The following KLHL30 variants were observed in gnomAD, a reference collection of about 807,000 sequenced individuals.
KLHL30 encodes kelch-like protein 30.
In KLHL30, 55 loss-of-function variants were observed where a neutral mutation model predicts 55.0. The ratio of observed to expected loss-of-function variants is 1.00; its 90% CI spans 0.80 to 1.25. KLHL30 has a LOEUF of 1.25. Ranked by LOEUF, KLHL30 falls within the 50% of genes most tolerant of loss-of-function variation. KLHL30 has a pLI of 0.00. For synonymous variants in KLHL30, 356 were observed against 372.6 expected, an observed-to-expected ratio of 0.96 and a Z score of 0.51; for missense variants, 786 against 811.6, an observed-to-expected ratio of 0.97 and a Z score of 0.38.
chr2:238,148,190 G>T (rs1477467973), intron 6 of KLHL30, among the ~76,000 whole-genome samples, 168 bp downstream of exon 6: 4 of 152,224 alleles, frequency 2.6e-5, no homozygotes, highest in Non-Finnish European at 4.4e-5. Context: ...TGTGGAGGAA[G>T]GCAGGGGCCT....
intron 6 of KLHL30, 146 bp from the exon 7 acceptor site, chr2:238,148,861 C>T (rs1178498494): frequency 8.0e-6 from 6 of 753,520 alleles, no homozygotes; most frequent in Non-Finnish European, 1.3e-5. Flanking sequence ...CTCCCAGCTG[C>T]ACCGCAGGGA....
Position 238,151,198 on chromosome 2 carries a change from G to C in KLHL30, c.*133G>C. On this transcript the variant is annotated 3_prime_UTR_variant, in exon 8 of 8. Coordinates refer to ENST00000409223, the MANE Select transcript of KLHL30 (RefSeq NM_198582.4). ...TCCAAGCTGCGCTCAGGCCACCAGG[G>C]GTGATCAGACGGCATGGCTTGGAGG... The C allele has an allele frequency of 7.9e-7, 1 of 1,267,664 alleles. No homozygotes were observed. 78.5% of individuals were successfully genotyped at this position (1,267,664 alleles called of 1,614,324 possible). A position where few individuals can be genotyped will look rare whatever the true frequency, so the allele number is the denominator to read the frequency against.
At position 238,148,875 on chromosome 2, in the gene KLHL30, A is replaced by T. The variant is rs2106314307; in HGVS notation, c.1340-132A>T. ...CCTCCCAGCTGCACCGCAGGGACCT[A>T]CTCCCATTTCACAGACAGGTTCACT... is the stretch of plus-strand genomic sequence containing the variant. On this transcript the variant is annotated intron_variant, in intron 6 of 7. Transcript: ENST00000409223. 6 of 854,756 alleles carry T rather than the reference A, an allele frequency of 7.0e-6. No individual in the cohort carries two copies. The East Asian group carries it at 1.6e-4, about 23-fold the overall frequency. 52.9% of individuals were successfully genotyped at this position (854,756 alleles called of 1,614,324 possible).
chr2:238,145,966 C>T, intron 5 of KLHL30, 134 bp downstream of exon 5: 1 of 1,135,082 alleles, frequency 8.8e-7, no homozygotes, highest in Non-Finnish European at 1.2e-6. Context: ...TCAGGGCTCG[C>T]TGTCTGGTGG....
Position 238,141,045 on chromosome 2 carries a change from C to T in KLHL30, c.291C>T (p.Thr97=). The part of the protein sequence containing the change: ...LVDFVYTGRL[T]ITQGNVEALT... ...ACTTCGTGTACACAGGCCGGCTGAC[C>T]ATCACGCAGGGCAACGTGGAGGCGC... is the stretch of plus-strand genomic sequence containing the variant. The change falls in exon 2 of 8, where the codon ACC becomes ACT. Residue 97 remains threonine, a synonymous_variant. Transcript: ENST00000409223. 1.2e-6 allele frequency: 2 copies of T among 1,612,060 alleles called. No homozygotes were observed. The highest frequency in any genetic ancestry group is 1.7e-6 in the Non-Finnish European group (2 of 1,179,386).
intron 6 of KLHL30, 36 bp from the exon 7 acceptor site, chr2:238,148,971 C>G: frequency 6.4e-7 from 1 of 1,557,468 alleles, no homozygotes; most frequent in East Asian, 2.4e-5. Flanking sequence ...CTCTGGCAAC[C>G]CTGGTGACGG....
intron 6 of KLHL30, among the ~76,000 whole-genome samples, chr2:238,148,588 AGACT>A (rs1290948107): frequency 4.6e-5 from 7 of 151,242 alleles, no homozygotes; most frequent in Admixed American, 4.6e-4. Context: ...ACCCTTCAAG[AGACT>A]GACTGGGCCC....
At position 238,141,383 on chromosome 2, in the gene KLHL30, C is replaced by A; in HGVS notation, c.629C>A (p.Ala210Asp). The A allele has an allele frequency of 6.3e-7, 1 of 1,593,862 alleles. No individual in the cohort carries two copies. Among genetic ancestry groups the A allele is most frequent in the Non-Finnish European group, 8.5e-7 (1 of 1,175,148 alleles). ...LMRWVRHDPQ[A>D]RAAHLPELLS... ...CGCTGGGTGCGCCATGACCCGCAGGCCCGGGCCGCCCACCTGCCCGAGCTG... is the reference window on the plus strand; with the variant it reads ...CGCTGGGTGCGCCATGACCCGCAGGACCGGGCCGCCCACCTGCCCGAGCTG... The change falls in exon 2 of 8, where the codon GCC (alanine) becomes GAC (aspartate). Residue 210 changes from alanine (A) to aspartate (D), a missense_variant. Transcript: ENST00000409223.
In KLHL30 at chr2:238,151,391, C is replaced by T. The variant is rs558185903; in HGVS notation, c.*326C>T. On this transcript the variant is annotated 3_prime_UTR_variant, in exon 8 of 8. Coordinates refer to ENST00000409223, the MANE Select transcript of KLHL30 (RefSeq NM_198582.4). ...GCCGGGCCAGCATTCCCAGAGCTTG[C>T]GAGCCCCACTCCTGCCCCTGGACCC... The T allele has an allele frequency of 1.0e-4, 43 of 415,746 alleles. No homozygotes were observed. The highest frequency in any genetic ancestry group is 6.1e-4 in the East Asian group (14 of 22,792). 25.8% of individuals were successfully genotyped at this position (415,746 alleles called of 1,614,324 possible).
chr2:238,149,867 A>G (rs1004418413), intron 7 of KLHL30, among the ~76,000 whole-genome samples: 4 of 152,096 alleles, frequency 2.6e-5, no homozygotes, highest in African/African-American at 9.7e-5. Context: ...AGTGCCCAGG[A>G]AGTTGGGGAT....
At chr2:238,150,273 G>A (rs897080903) in intron 7 of KLHL30, among the ~76,000 whole-genome samples, 1 of 152,136 alleles carries the variant, frequency 6.6e-6, no homozygotes, top group African/African-American at 2.4e-5. Flanking sequence ...GCCACAGACC[G>A]GCCTCCCGCT....
chr2:238,142,771 GCCCTGA>G, intron 2 of KLHL30, 22 bp from the exon 3 acceptor site: 10 of 1,369,678 alleles, frequency 7.3e-6, no homozygotes, highest in Non-Finnish European at 9.4e-6. Context: ...CATTGCTGTT[GCCCTGA>G]CCCTGGCCTC....
chr2:238,144,412 AAG>A (rs1692601699), intron 3 of KLHL30, among the ~76,000 whole-genome samples: 2 of 115,408 alleles, frequency 1.7e-5, no homozygotes, highest in Non-Finnish European at 3.5e-5. Context: ...GGAAGGAAGG[AAG>A]GAAGGAAGGA....
At chr2:238,144,185 T>C (rs1692589843) in intron 3 of KLHL30, among the ~76,000 whole-genome samples, 1 of 152,228 alleles carries the variant, frequency 6.6e-6, no homozygotes, top group Non-Finnish European at 1.5e-5. Flanking sequence ...TGAGCAGTTC[T>C]GTGAAGTCCC....
Position 238,149,294 on chromosome 2 carries a change from G to T in KLHL30, c.1485+142G>T, listed in dbSNP as rs1018989984. ...GCGCAGGCTGGGGTGCCCACAGAGGGCCCACAGTGAAGGGGGTGGCGCAGG... is the reference window on the plus strand; with the variant it reads ...GCGCAGGCTGGGGTGCCCACAGAGGTCCCACAGTGAAGGGGGTGGCGCAGG... On this transcript the variant is annotated intron_variant, in intron 7 of 7. Coordinates refer to ENST00000409223, the MANE Select transcript of KLHL30 (RefSeq NM_198582.4). 13 of 1,194,618 alleles carry T rather than the reference G, an allele frequency of 1.1e-5. No individual in the cohort carries two copies. In the African/African-American group the frequency reaches 1.2e-4, roughly 11 times the overall value. 74.0% of individuals were successfully genotyped at this position (1,194,618 alleles called of 1,614,324 possible).
chr2:238,149,259 G>A (rs187587043), intron 7 of KLHL30, 107 bp downstream of exon 7: 29 of 1,454,166 alleles, frequency 2.0e-5, no homozygotes, highest in East Asian at 1.2e-4. Flanking sequence ...GGCCCACTGC[G>A]AAGGGGACAG....
chr2:238,141,340 C>T lies in KLHL30; in HGVS notation c.586C>T (p.Arg196Ter), dbSNP rs758829876. The T allele has an allele frequency of 2.7e-5, 43 of 1,596,114 alleles. No individual in the cohort carries two copies. The highest frequency in any genetic ancestry group is 2.0e-4 in the African/African-American group (15 of 74,838). The change falls in exon 2 of 8, where the codon CGA becomes TGA. Residue 196 changes from arginine (R) to a stop codon, truncating the protein, a stop_gained. Transcript: ENST00000409223. LOFTEE classifies it high-confidence loss of function. Reference sequence around the variant, plus strand: ...GCTGCAGGTACAGCCGGAGCAAAGCCGACTCGAGGCCCTGATGCGCTGGGT... The same window carrying T: ...GCTGCAGGTACAGCCGGAGCAAAGCTGACTCGAGGCCCTGATGCGCTGGGT... ...DLLQVQPEQS[R>*]LEALMRWVRH...
At chr2:238,140,664 C>A (rs1692513904) in intron 1 of KLHL30, 21 bp from the exon 2 acceptor site, 2 of 1,372,484 alleles carry the variant, frequency 1.5e-6, no homozygotes, top group Admixed American at 2.8e-5. Flanking sequence ...ACTTGGCTGA[C>A]CCTGCTCTCT....
chr2:238,150,728 G>T, intron 7 of KLHL30, 86 bp from the exon 8 acceptor site: 2 of 1,456,394 alleles, frequency 1.4e-6, no homozygotes, highest in Non-Finnish European at 9.2e-7. Context: ...TGTCCTCTCT[G>T]CCACTCCCCC....
Sources: allele counts gnomAD v4.1 joint callset (sites outside exome capture counted in the v4.1 genomes callset), GRCh38; gene constraint gnomAD v4.1.1; transcripts MANE v1.5; gene names NCBI Gene and HGNC (gene_info 2026-07-23, HGNC 2026-07-21).